The following PPP1R16B variants were observed in gnomAD, a reference collection of about 807,000 sequenced individuals.
The protein encoded by PPP1R16B is protein phosphatase 1 regulatory inhibitor subunit 16B.
Under a neutral mutation model 61.7 loss-of-function variants are expected in PPP1R16B, and 14 were observed. The observed-to-expected ratio is 0.23, with a 90% CI of 0.15 to 0.35. PPP1R16B has a LOEUF of 0.35. Among genes scored for constraint, PPP1R16B ranks in the 10% least tolerant of loss-of-function variants. The probability of loss-of-function intolerance (pLI) is 1.00; values close to 1 mark genes in which losing one functional copy is unlikely to be tolerated. For missense variants in PPP1R16B, 547 were observed against 752.5 expected (o/e 0.73, Z 3.19); for synonymous variants, 266 against 305.3 (o/e 0.87, Z 1.34).
intron 3 of PPP1R16B, among the ~76,000 whole-genome samples, chr20:38,890,955 G>A (rs2085287680): frequency 6.6e-6 from 1 of 152,176 alleles, no homozygotes; most frequent in Non-Finnish European, 1.5e-5. Context: ...AGGGCCTCAG[G>A]CATCTCTCAG....
intron 10 of PPP1R16B, among the ~76,000 whole-genome samples, chr20:38,915,510 GA>G (rs1381485537): frequency 6.6e-6 from 1 of 151,830 alleles, no homozygotes; most frequent in African/African-American, 2.4e-5. Flanking sequence ...TTTTGAGACG[GA>G]GTCTCACTTT....
intron 10 of PPP1R16B, among the ~76,000 whole-genome samples, chr20:38,911,698 G>T (rs535172264): frequency 6.6e-6 from 1 of 151,606 alleles, no homozygotes; most frequent in Non-Finnish European, 1.5e-5. Flanking sequence ...CACCACGCCC[G>T]GCTAATTTTT....
chr20:38,888,926 CA>C (rs1231526825), intron 2 of PPP1R16B, among the ~76,000 whole-genome samples: 119 of 148,830 alleles, frequency 8.0e-4, no homozygotes, highest in African/African-American at 2.4e-3. Context: ...CACACACACA[CA>C]CCCCTAGACA....
chr20:38,830,006 C>T (rs2084827393), intron 1 of PPP1R16B, among the ~76,000 whole-genome samples: 1 of 152,266 alleles, frequency 6.6e-6, no homozygotes, highest in Non-Finnish European at 1.5e-5. Context: ...TCTCACCTTT[C>T]TCCAGGGAGC....
rs1404739272 is a variant in PPP1R16B, at chr20:38,907,179, GATTA to G, written c.898+132_898+135del. On this transcript the variant is annotated intron_variant, in intron 8 of 10. Transcript: ENST00000299824. This position sits in a 1 kb window ranked among gnomAD's most constrained non-coding sequence, Gnocchi z 4.5. The stretch of plus-strand genomic sequence containing the variant: ...GGATTGGTGTCTAGATAGATAGATG[GATTA>G]ATTAATGGATGGTAGATGAATGGAC... 1 of 739,082 alleles carries G rather than the reference GATTA, an allele frequency of 1.4e-6. No homozygotes were observed. The highest frequency in any genetic ancestry group is 1.7e-5 in the African/African-American group (1 of 57,810). 45.8% of individuals were successfully genotyped at this position (739,082 alleles called of 1,614,324 possible).
intron 2 of PPP1R16B, among the ~76,000 whole-genome samples, chr20:38,839,378 T>C (rs2084894192): frequency 1.3e-5 from 2 of 152,224 alleles, no homozygotes; most frequent in African/African-American, 4.8e-5. Flanking sequence ...TTTTGTTTTT[T>C]ACAGACTTTA....
chr20:38,895,723 C>G lies in PPP1R16B; in HGVS notation c.467+13C>G. 6.2e-7 allele frequency: 1 copy of G among 1,612,640 alleles called. No homozygotes were observed. Among genetic ancestry groups the G allele is most frequent in the Non-Finnish European group, 8.5e-7 (1 of 1,179,230 alleles). On this transcript the variant is annotated intron_variant, in intron 4 of 10. Coordinates refer to ENST00000299824, the MANE Select transcript of PPP1R16B (RefSeq NM_015568.4). ...TCCTCGTTCAGTAGTACGTGCCCCTCCCTGCCCCAGAGCAGCCTCCCTCCA... is the reference window on the plus strand; with the variant it reads ...TCCTCGTTCAGTAGTACGTGCCCCTGCCTGCCCCAGAGCAGCCTCCCTCCA...
chr20:38,913,994 C>T (rs188982291), intron 10 of PPP1R16B, among the ~76,000 whole-genome samples: 281 of 152,212 alleles, frequency 1.8e-3, no homozygotes, highest in African/African-American at 6.4e-3. Flanking sequence ...GAGTTTGAGA[C>T]CAGCCTGGCC....
rs536942877 is a variant in PPP1R16B, at chr20:38,844,797, C to CA, written c.250+8625dup. 4.8e-3 allele frequency among the ~76,000 whole-genome samples: 730 copies of CA among 152,268 alleles called. 2 individuals carry two copies. Among genetic ancestry groups the CA allele is most frequent in the Non-Finnish European group, 7.4e-3 (504 of 68,024 alleles). ...CACCATTGCTTTTACACCATCAGTG[C>CA]AAATGTCAACACAGTGGAAAATGCA... On this transcript the variant is annotated intron_variant, in intron 2 of 10. Coordinates refer to ENST00000299824, the MANE Select transcript of PPP1R16B (RefSeq NM_015568.4).
rs1039821340 is a variant in PPP1R16B at position 38,823,344 on chromosome 20, G to C, written c.-101-12481G>C. On this transcript the variant is annotated intron_variant, in intron 1 of 10. Transcript: ENST00000299824. ...TGGTTTGGGAGTTACCGGATGAAGT[G>C]AAAGTGCTCACTGAGGCCAGGCACG... 3.3e-5 allele frequency among the ~76,000 whole-genome samples: 5 copies of C among 152,198 alleles called. No homozygotes were observed. In the East Asian group the frequency reaches 9.6e-4, roughly 29 times the overall value.
Position 38,824,249 on chromosome 20 carries a change from G to A in PPP1R16B, c.-101-11576G>A, listed in dbSNP as rs188681564. Among the ~76,000 whole-genome samples, 444 of 152,324 alleles carry A rather than the reference G, an allele frequency of 2.9e-3. 3 individuals carry two copies. Among genetic ancestry groups the A allele is most frequent in the African/African-American group, 0.01 (420 of 41,582 alleles). On this transcript the variant is annotated intron_variant, in intron 1 of 10. Coordinates refer to ENST00000299824, the MANE Select transcript of PPP1R16B (RefSeq NM_015568.4). The stretch of plus-strand genomic sequence containing the variant: ...TTTCTAGGTTCATTTCATGTATCTA[G>A]TTTATAGGTTCTGCAATGTTAGCCT...
At chr20:38,906,186 C>T (rs2085440444) in intron 7 of PPP1R16B, 92 bp downstream of exon 7, 10 of 1,348,280 alleles carry the variant, frequency 7.4e-6, no homozygotes, top group South Asian at 1.4e-5. Flanking sequence ...TTTCAAAGAA[C>T]ATAAGACTTT....
chr20:38,863,314 G>A (rs1171998530), intron 2 of PPP1R16B, among the ~76,000 whole-genome samples: 2 of 152,230 alleles, frequency 1.3e-5, no homozygotes, highest in Admixed American at 6.5e-5. Flanking sequence ...TGTCTGTGAA[G>A]CATGAACTTG....
chr20:38,820,052 G>A (rs145186549), intron 1 of PPP1R16B, among the ~76,000 whole-genome samples: 163 of 151,960 alleles, frequency 1.1e-3, no homozygotes, highest in African/African-American at 3.6e-3. Flanking sequence ...TGTGTGTTTG[G>A]GTTATTTTGG....
intron 2 of PPP1R16B, among the ~76,000 whole-genome samples, chr20:38,862,949 C>T (rs1293921226): frequency 6.6e-6 from 1 of 152,112 alleles, no homozygotes; most frequent in Non-Finnish European, 1.5e-5. Flanking sequence ...GAATGGTGGA[C>T]GAGAACATCC....
chr20:38,861,464 G>C (rs756975367), intron 2 of PPP1R16B, among the ~76,000 whole-genome samples: 6 of 152,126 alleles, frequency 3.9e-5, no homozygotes, highest in Non-Finnish European at 7.3e-5. Flanking sequence ...GGCTCCACCT[G>C]GGGGGCTAGG....
intron 3 of PPP1R16B, among the ~76,000 whole-genome samples, chr20:38,894,298 C>T (rs2085317298): frequency 1.3e-5 from 2 of 152,240 alleles, no homozygotes; most frequent in East Asian, 1.9e-4. Flanking sequence ...CCACAGCCAC[C>T]TGGGGCCGTG....
At chr20:38,849,585 CAT>C (rs1285778544) in intron 2 of PPP1R16B, among the ~76,000 whole-genome samples, 1 of 151,472 alleles carries the variant, frequency 6.6e-6, no homozygotes, top group Non-Finnish European at 1.5e-5. Context: ...GCTGTTGACT[CAT>C]ATTGAATTTA....
intron 3 of PPP1R16B, 30 bp downstream of exon 3, chr20:38,889,695 C>A: frequency 6.5e-7 from 1 of 1,531,116 alleles, no homozygotes; most frequent in Non-Finnish European, 9.1e-7. Flanking sequence ...GGCTCCAGGG[C>A]TCCCTGCCCC....
Sources: allele counts gnomAD v4.1 joint callset (sites outside exome capture counted in the v4.1 genomes callset), GRCh38; gene constraint gnomAD v4.1.1; non-coding constraint Gnocchi (gnomAD v3.1); transcripts MANE v1.5; gene names NCBI Gene and HGNC (gene_info 2026-07-23, HGNC 2026-07-21).